NUDT3: variants seen among roughly 807,000 people sequenced by gnomAD.
The protein encoded by NUDT3 is nudix hydrolase 3, also known as diphosphoinositol polyphosphate phosphohydrolase 1.
Under a neutral mutation model 23.6 loss-of-function variants are expected in NUDT3, and 9 were observed. The ratio of observed to expected loss-of-function variants is 0.38; its 90% CI spans 0.23 to 0.66. NUDT3 has a LOEUF of 0.66. Ranked by LOEUF, NUDT3 falls within the 30% of genes least tolerant of loss-of-function variation. The pLI is 0.52. For missense variants in NUDT3, 172 were observed against 218.5 expected (o/e 0.79, Z 1.34); for synonymous variants, 86 against 82.6 (o/e 1.04, Z -0.22).
At chr6:34,381,796 T>A (rs1464532201) in intron 1 of NUDT3, among the ~76,000 whole-genome samples, 2 of 151,894 alleles carry the variant, frequency 1.3e-5, no homozygotes, top group African/African-American at 4.8e-5. Flanking sequence ...AATAATCGGC[T>A]GGGCACGGTG....
At chr6:34,347,978 AAATAAATAAAT>A (rs935479966) in intron 1 of NUDT3, among the ~76,000 whole-genome samples, 5 of 145,724 alleles carry the variant, frequency 3.4e-5, no homozygotes, top group African/African-American at 1.4e-4. Context: ...TCTACCAAAA[AAATAAATAAAT>A]AAATAAATAA....
intron 1 of NUDT3, among the ~76,000 whole-genome samples, chr6:34,363,888 T>C (rs1473895368): frequency 6.6e-6 from 1 of 152,144 alleles, no homozygotes; most frequent in Non-Finnish European, 1.5e-5. Context: ...TTCTCCTGCC[T>C]TAGCCTCCCA....
At chr6:34,352,844 T>C (rs1764498246) in intron 1 of NUDT3, among the ~76,000 whole-genome samples, 2 of 152,144 alleles carry the variant, frequency 1.3e-5, no homozygotes. Context: ...AATGAAAAAA[T>C]TATCTCTCTC....
chr6:34,313,243 A>T (rs1262182574), intron 2 of NUDT3, among the ~76,000 whole-genome samples: 1 of 152,182 alleles, frequency 6.6e-6, no homozygotes, highest in African/African-American at 2.4e-5. Flanking sequence ...TAAGTGGAAG[A>T]AGTCAATCTG....
intron 1 of NUDT3, among the ~76,000 whole-genome samples, chr6:34,368,613 G>A (rs1764776468): frequency 6.6e-6 from 1 of 152,142 alleles, no homozygotes; most frequent in South Asian, 2.1e-4. Flanking sequence ...AAGCATCAAC[G>A]TACGAAACAG....
At chr6:34,359,128 C>T (rs1339975066) in intron 1 of NUDT3, among the ~76,000 whole-genome samples, 3 of 152,170 alleles carry the variant, frequency 2.0e-5, no homozygotes, top group Non-Finnish European at 4.4e-5. Flanking sequence ...AATCCCAGCA[C>T]TTTGGGAGGC....
At chr6:34,319,650 G>A (rs1437985643) in intron 2 of NUDT3, among the ~76,000 whole-genome samples, 2 of 152,190 alleles carry the variant, frequency 1.3e-5, no homozygotes, top group African/African-American at 4.8e-5. Flanking sequence ...GTTGAAATGT[G>A]ATTGAACACA....
chr6:34,364,559 A>T (rs1337518789), intron 1 of NUDT3, among the ~76,000 whole-genome samples: 1 of 152,214 alleles, frequency 6.6e-6, no homozygotes, highest in East Asian at 1.9e-4. Context: ...ACGGGAAGTC[A>T]TACATAAATC....
intron 2 of NUDT3, among the ~76,000 whole-genome samples, chr6:34,318,375 G>C (rs990656703): frequency 6.6e-6 from 1 of 152,038 alleles, no homozygotes; most frequent in Non-Finnish European, 1.5e-5. Context: ...CTTCCCCAGA[G>C]GTAATCACTC....
intron 2 of NUDT3, among the ~76,000 whole-genome samples, chr6:34,311,139 CTG>C (rs536086013): frequency 1.3e-5 from 2 of 152,230 alleles, no homozygotes; most frequent in African/African-American, 4.8e-5. Context: ...TAAAACAAAA[CTG>C]TATTCGTTTG....
At chr6:34,392,137 T>C in intron 1 of NUDT3, 127 bp downstream of exon 1, 1 of 650,522 alleles carries the variant, frequency 1.5e-6, no homozygotes, top group South Asian at 2.0e-5. Context: ...GGAAATTCCA[T>C]CGGAACTTCA....
intron 1 of NUDT3, among the ~76,000 whole-genome samples, chr6:34,357,887 A>G (rs1764587190): frequency 6.6e-6 from 1 of 152,176 alleles, no homozygotes; most frequent in African/African-American, 2.4e-5. Context: ...CCAAGATTAC[A>G]ATGAAATTAT....
chr6:34,303,694 G>A (rs1241581880), intron 2 of NUDT3, among the ~76,000 whole-genome samples: 5 of 152,084 alleles, frequency 3.3e-5, no homozygotes, highest in East Asian at 1.9e-4. Flanking sequence ...CTTAGAATTT[G>A]TGCAAATTCT....
chr6:34,375,791 T>C (rs1203833934), intron 1 of NUDT3, among the ~76,000 whole-genome samples: 1 of 152,220 alleles, frequency 6.6e-6, no homozygotes, highest in Non-Finnish European at 1.5e-5. Context: ...CTTACCATTC[T>C]TCTAACAGTT....
chr6:34,359,133 G>A (rs749461804), intron 1 of NUDT3, among the ~76,000 whole-genome samples: 14 of 152,238 alleles, frequency 9.2e-5, no homozygotes, highest in Non-Finnish European at 1.9e-4. Context: ...CAGCACTTTG[G>A]GAGGCCGAGG....
chr6:34,328,818 T>C lies in NUDT3; in HGVS notation c.210+13044A>G, dbSNP rs1170023561. On this transcript the variant is annotated intron_variant, in intron 2 of 4. Coordinates refer to ENST00000607016, the MANE Select transcript of NUDT3 (RefSeq NM_006703.4). Reference sequence around the variant, plus strand: ...ATGATCAAAAGTATCCTTAATATATTATTCATAAAGTTTTGCTACTAAATG... The same window carrying C: ...ATGATCAAAAGTATCCTTAATATATCATTCATAAAGTTTTGCTACTAAATG... Among the ~76,000 whole-genome samples, 3 of 152,362 alleles carry C rather than the reference T, an allele frequency of 2.0e-5. No homozygotes were observed. In the East Asian group the frequency reaches 5.8e-4, roughly 29 times the overall value.
At chr6:34,338,663 C>T (rs529056983) in intron 2 of NUDT3, among the ~76,000 whole-genome samples, 1 of 152,190 alleles carries the variant, frequency 6.6e-6, no homozygotes, top group African/African-American at 2.4e-5. Flanking sequence ...CACTTTCCCA[C>T]AGAAACAGGT....
chr6:34,339,941 C>T (rs969328478), intron 2 of NUDT3, among the ~76,000 whole-genome samples: 7 of 152,166 alleles, frequency 4.6e-5, no homozygotes, highest in Admixed American at 1.3e-4. Context: ...TAGACGGTGA[C>T]GGCTTAGTAG....
chr6:34,392,144 T>C, intron 1 of NUDT3, 120 bp downstream of exon 1: 1 of 682,278 alleles, frequency 1.5e-6, no homozygotes, highest in Non-Finnish European at 2.3e-6. Context: ...CCATCGGAAC[T>C]TCATTCCGCC....
Sources: allele counts gnomAD v4.1 joint callset (sites outside exome capture counted in the v4.1 genomes callset), GRCh38; gene constraint gnomAD v4.1.1; transcripts MANE v1.5; gene names NCBI Gene and HGNC (gene_info 2026-07-23, HGNC 2026-07-21).